SYNE1: variants seen among roughly 807,000 people sequenced by gnomAD.
SYNE1 encodes nesprin-1.
In SYNE1, 616 loss-of-function variants were observed where a neutral mutation model predicts 1,111.0. The ratio of observed to expected loss-of-function variants is 0.55; its 90% confidence interval spans 0.52 to 0.59. SYNE1 has a LOEUF of 0.59. Among genes scored for constraint, SYNE1 ranks in the 20% least tolerant of loss-of-function variants. The probability of loss-of-function intolerance (pLI) is 0.00; values close to 1 mark genes in which losing one functional copy is unlikely to be tolerated. For synonymous variants in SYNE1, 3,855 were observed against 3,825.8 expected, an observed-to-expected ratio of 1.01 and a Z score of -0.28; for missense variants, 10,006 against 10,417.0, an observed-to-expected ratio of 0.96 and a Z score of 1.72.
chr6:152,554,778 C>G (rs2128170550), intron 3 of SYNE1, among the ~76,000 whole-genome samples: 1 of 152,190 alleles, frequency 6.6e-6, no homozygotes, highest in East Asian at 1.9e-4. Context: ...TTTTCCAGTT[C>G]TTAAACATCA....
At chr6:152,234,923 A>T in intron 110 of SYNE1, 123 bp from the exon 111 acceptor site, 1 of 1,149,648 alleles carries the variant, frequency 8.7e-7, no homozygotes, top group South Asian at 1.3e-5. Flanking sequence ...AGAAAAATGC[A>T]TGAGGTTGGC....
Position 152,449,536 on chromosome 6 carries a change from A to G in SYNE1, c.3501T>C (p.Val1167=). 6.2e-7 allele frequency: 1 copy of G among 1,613,036 alleles called. No homozygotes were observed. The highest frequency in any genetic ancestry group is 8.5e-7 in the Non-Finnish European group (1 of 1,178,992). ...CAAATAATGACCCTGAACTTACTTCAACGGCACGTTTAACCTCTCCGTGGT... is the reference window on the plus strand; with the variant it reads ...CAAATAATGACCCTGAACTTACTTCGACGGCACGTTTAACCTCTCCGTGGT... ...TANHGEVKRA[V]EEIRNGVTKR... is the part of the protein sequence containing the mutation. Residue 1167 remains valine, a synonymous_variant, in exon 28 of 146, where the codon GTT becomes GTC. Coordinates refer to ENST00000367255, the MANE Select transcript of SYNE1 (RefSeq NM_182961.4).
chr6:152,136,637 T>G lies in SYNE1; in HGVS notation c.25640A>C (p.Asp8547Ala), dbSNP rs748136939. 4 of 1,613,484 alleles carry G rather than the reference T, an allele frequency of 2.5e-6. No homozygotes were observed. Among genetic ancestry groups the G allele is most frequent in the African/African-American group, 1.3e-5 (1 of 75,024 alleles). ...LLEEWRGLLQ[D>A]ALMQCQGFHE... ...ACAGACCTGGCACTGCATCAGGGCA[T>G]CCTGCAGCAGGCCCCGCCACTCCTC... Residue 8547 changes from aspartate to alanine, a missense_variant, in exon 141 of 146, where the codon GAT (aspartate) becomes GCT (alanine). Asp to Ala is a moderately radical substitution (Grantham distance 126). Transcript: ENST00000367255.
chr6:152,193,367 C>T (rs2073099597), intron 127 of SYNE1, among the ~76,000 whole-genome samples: 1 of 152,144 alleles, frequency 6.6e-6, no homozygotes, highest in South Asian at 2.1e-4. Context: ...CTAGTAAAAA[C>T]TCTACACTTT....
chr6:152,420,792 C>CA (rs35589829), intron 39 of SYNE1, among the ~76,000 whole-genome samples: 78,441 of 151,896 alleles, frequency 0.52, 22,293 homozygotes, highest in East Asian at 0.75. Flanking sequence ...TTTTCCTTTC[C>CA]AAGTCAAGAT....
In SYNE1 at chr6:152,391,579, G is replaced by GGAAAAAA; in HGVS notation, c.7713-18_7713-12dup. 3 of 855,118 alleles carry GGAAAAAA rather than the reference G, an allele frequency of 3.5e-6. No individual in the cohort carries two copies. Among genetic ancestry groups the GGAAAAAA allele is most frequent in the Non-Finnish European group, 4.6e-6 (3 of 654,032 alleles). The allele number at this position is 855,118 out of a possible 1,614,324, so 53.0% of individuals were successfully genotyped here. On this transcript the variant is annotated splice_polypyrimidine_tract_variant and intron_variant, in intron 51 of 145. Coordinates refer to ENST00000367255, the MANE Select transcript of SYNE1 (RefSeq NM_182961.4). Reference sequence around the variant, plus strand: ...TTATCAAGAGACTCTCTGAAAAAAAGGAAAAAAAAAAAAAAGAAAAAAAAT... The same window carrying GGAAAAAA: ...TTATCAAGAGACTCTCTGAAAAAAAGGAAAAAAGAAAAAAAAAAAAAAGAAAAAAAAT...
At chr6:152,232,357 T>C in intron 112 of SYNE1, 92 bp from the exon 113 acceptor site, 1 of 1,401,292 alleles carries the variant, frequency 7.1e-7, no homozygotes, top group Non-Finnish European at 1.0e-6. Context: ...TTCTTAAAAA[T>C]GTACCAAGAG....
intron 11 of SYNE1, among the ~76,000 whole-genome samples, chr6:152,490,964 C>T (rs2098967168): frequency 6.6e-6 from 1 of 152,206 alleles, no homozygotes; most frequent in Non-Finnish European, 1.5e-5. Flanking sequence ...AGTTCTTTTT[C>T]CTCTCTAATA....
rs748747931 is a variant in SYNE1 at position 152,442,115 on chromosome 6, C to A, written c.3968G>T (p.Gly1323Val). Residue 1323 changes from glycine (G) to valine (V), a missense_variant, in exon 31 of 146, where the codon GGC becomes GTC. Gly to Val is a moderately radical substitution (Grantham distance 109, BLOSUM62 -3). This residue lies in a region of SYNE1 where 1,971 missense variants were observed against 2,084.1 expected (regional missense o/e 0.95). Transcript: ENST00000367255. ...ELRKLESTLDGLERSRERQER... is the reference protein window; with the variant it reads ...ELRKLESTLDVLERSRERQER... ...CTGCCTCTCCCGGCTGCGCTCCAGG[C>A]CATCCAGTGTGCTCTCCAGCTTCCG... 8.1e-6 allele frequency: 13 copies of A among 1,614,102 alleles called. No homozygotes were observed. Among genetic ancestry groups the A allele is most frequent in the Non-Finnish European group, 1.1e-5 (13 of 1,180,040 alleles).
chr6:152,203,644 A>T (rs1251703920), intron 126 of SYNE1, among the ~76,000 whole-genome samples: 1 of 152,180 alleles, frequency 6.6e-6, no homozygotes, highest in African/African-American at 2.4e-5. Context: ...CCTTAGTTTG[A>T]GCATAACAAC....
intron 104 of SYNE1, among the ~76,000 whole-genome samples, chr6:152,254,117 G>C (rs2090215111): frequency 6.6e-6 from 1 of 151,572 alleles, no homozygotes; most frequent in Non-Finnish European, 1.5e-5. Flanking sequence ...AGTCTGAGGA[G>C]TTAGGACTGG....
chr6:152,364,735 A>AGGAT (rs2154076604), intron 63 of SYNE1, 112 bp downstream of exon 63: 1 of 1,275,946 alleles, frequency 7.8e-7, no homozygotes, highest in Admixed American at 1.7e-5. Context: ...GAAGGGAGGA[A>AGGAT]GGAAAGGAAA....
At position 152,145,551 on chromosome 6, in the gene SYNE1, T is replaced by C. The variant is rs377088951; in HGVS notation, c.24977-1786A>G. The C allele has an allele frequency of 1.6e-4, 265 of 1,613,878 alleles. No homozygotes were observed. Among genetic ancestry groups the C allele is most frequent in the Admixed American group, 5.3e-4 (32 of 60,002 alleles). On this transcript the variant is annotated intron_variant, in intron 137 of 145. Transcript: ENST00000367255. ...AGGCCTCAGGGCTTTCGGGGATCAT[T>C]ACATCTGCAAAAAAAGCACAGTCTA...
chr6:152,195,990 A>C lies in SYNE1; in HGVS notation c.23145+5834T>G, dbSNP rs1253972463. 2.0e-5 allele frequency among the ~76,000 whole-genome samples: 3 copies of C among 152,218 alleles called. No individual in the cohort carries two copies. The East Asian group carries it at 5.8e-4, about 29-fold the overall frequency. On this transcript the variant is annotated intron_variant, in intron 127 of 145. Coordinates refer to ENST00000367255, the MANE Select transcript of SYNE1 (RefSeq NM_182961.4). Reference sequence around the variant, plus strand: ...CAGATAAGCTGGTACCGAAACCATAAGAAAAAGTCCTTTCCACTCTTCCCT... The same window carrying C: ...CAGATAAGCTGGTACCGAAACCATACGAAAAAGTCCTTTCCACTCTTCCCT...
chr6:152,451,804 T>C (rs1254069805), intron 25 of SYNE1, among the ~76,000 whole-genome samples: 1 of 152,086 alleles, frequency 6.6e-6, no homozygotes, highest in South Asian at 2.1e-4. Context: ...ATTAATGTTC[T>C]TATTTTACAG....
At chr6:152,353,048 T>C (rs1476882040) in intron 69 of SYNE1, among the ~76,000 whole-genome samples, 2 of 152,232 alleles carry the variant, frequency 1.3e-5, no homozygotes, top group African/African-American at 2.4e-5. Context: ...TGGGTGTCCA[T>C]GTGTAAGTCA....
chr6:152,224,520 C>T lies in SYNE1; in HGVS notation c.21496G>A (p.Val7166Met), dbSNP rs1369797832. 6.2e-7 allele frequency: 1 copy of T among 1,614,038 alleles called. No individual in the cohort carries two copies. Among genetic ancestry groups the T allele is most frequent in the South Asian group, 1.1e-5 (1 of 91,086 alleles). ...FRLLTGSLEAVQVQVDNLQNL... is the reference protein window; with the variant it reads ...FRLLTGSLEAMQVQVDNLQNL... The stretch of plus-strand genomic sequence containing the variant: ...TGAAGATTGTCCACCTGAACTTGCA[C>T]AGCTTCTAAGGAGCCAGTCAGCAGA... The change falls in exon 117 of 146, where the codon GTG becomes ATG. Residue 7166 changes from valine (V) to methionine (M), a missense_variant. Transcript: ENST00000367255.
chr6:152,434,833 G>T (rs2098458745), intron 33 of SYNE1: 1 of 151,908 alleles, frequency 6.6e-6, no homozygotes, highest in African/African-American at 2.4e-5. Context: ...AAAATAGAGT[G>T]GCATCATTGA....
chr6:152,218,466 A>G (rs1054038630), intron 120 of SYNE1, 63 bp from the exon 121 acceptor site: 1 of 1,582,128 alleles, frequency 6.3e-7, no homozygotes, highest in Non-Finnish European at 8.7e-7. Flanking sequence ...ATTTTAATAA[A>G]GTCTGGTAAA....
Sources: allele counts gnomAD v4.1 joint callset (sites outside exome capture counted in the v4.1 genomes callset), GRCh38; gene constraint gnomAD v4.1.1; regional missense constraint gnomAD v4.1.1; transcripts MANE v1.5; gene names NCBI Gene and HGNC (gene_info 2026-07-23, HGNC 2026-07-21).